The following FRMD4A variants were observed in gnomAD, a reference collection of about 807,000 sequenced individuals.
The protein encoded by FRMD4A is FERM domain containing 4A.
A neutral mutation model predicts 129.1 loss-of-function variants in FRMD4A; 29 were observed. The ratio of observed to expected loss-of-function variants is 0.22; its 90% CI spans 0.17 to 0.31. The LOEUF (loss-of-function observed/expected upper bound fraction) is 0.31. Among genes scored for constraint, FRMD4A ranks in the 10% least tolerant of loss-of-function variants. The pLI is 1.00. For synonymous variants in FRMD4A, 634 were observed against 571.6 expected (o/e 1.11, Z -1.56); for missense variants, 1,272 against 1,375.8 (o/e 0.92, Z 1.19).
chr10:13,959,996 C>T (rs1161011237), intron 2 of FRMD4A, among the ~76,000 whole-genome samples: 1 of 152,208 alleles, frequency 6.6e-6, no homozygotes, highest in East Asian at 1.9e-4. Flanking sequence ...AAATGCTTGC[C>T]TTGGGAAGCA....
At chr10:14,240,376 T>C (rs142340762) in intron 2 of FRMD4A, among the ~76,000 whole-genome samples, 271 of 152,314 alleles carry the variant, frequency 1.8e-3, no homozygotes, top group African/African-American at 6.2e-3. Flanking sequence ...TCTCAGCACA[T>C]GTGTCAGGCT....
chr10:14,098,099 GATTATATATAATTTATATAT>G (rs1047628855), intron 2 of FRMD4A, among the ~76,000 whole-genome samples: 1 of 139,934 alleles, frequency 7.1e-6, no homozygotes, highest in Non-Finnish European at 1.5e-5. Flanking sequence ...ATAAATTATA[GATTATATATAATTTATATAT>G]ATTATATAAA....
intron 2 of FRMD4A, among the ~76,000 whole-genome samples, chr10:14,091,302 T>G (rs1836647745): frequency 6.6e-6 from 1 of 151,920 alleles, no homozygotes; most frequent in Non-Finnish European, 1.5e-5. Flanking sequence ...GGCAAACAAA[T>G]CCAACACACC....
At chr10:13,775,713 A>G (rs1436348817) in intron 6 of FRMD4A, among the ~76,000 whole-genome samples, 1 of 152,182 alleles carries the variant, frequency 6.6e-6, no homozygotes, top group Non-Finnish European at 1.5e-5. Flanking sequence ...TCCAGGCTGG[A>G]GCAGGAGGTT....
At chr10:13,761,768 G>A (rs1002666002) in intron 7 of FRMD4A, 99 bp from the exon 8 acceptor site, 4 of 785,884 alleles carry the variant, frequency 5.1e-6, no homozygotes, top group Admixed American at 4.8e-5. Context: ...TACTGAATGA[G>A]ATGAGTTCAG....
intron 14 of FRMD4A, among the ~76,000 whole-genome samples, chr10:13,695,678 C>A (rs1353387848): frequency 6.6e-6 from 1 of 152,242 alleles, no homozygotes; most frequent in East Asian, 1.9e-4. Flanking sequence ...ACAGCACACA[C>A]ACGGACTGGG....
intron 2 of FRMD4A, among the ~76,000 whole-genome samples, chr10:14,089,869 C>T (rs989940779): frequency 5.9e-5 from 9 of 152,174 alleles, no homozygotes; most frequent in African/African-American, 2.2e-4. Context: ...TATAAACCCA[C>T]GGATTGAACC....
At chr10:13,889,562 T>C (rs1034777543) in intron 2 of FRMD4A, among the ~76,000 whole-genome samples, 33 of 152,174 alleles carry the variant, frequency 2.2e-4, no homozygotes, top group African/African-American at 8.0e-4. Context: ...GGGGACTTGA[T>C]AACAATGTCT....
intron 2 of FRMD4A, among the ~76,000 whole-genome samples, chr10:14,273,150 A>G (rs1262733680): frequency 6.6e-6 from 1 of 152,086 alleles, no homozygotes; most frequent in African/African-American, 2.4e-5. Context: ...CCAGCTACTC[A>G]GGAAGCTAAG....
At chr10:14,141,259 T>C (rs1179186977) in intron 2 of FRMD4A, among the ~76,000 whole-genome samples, 1 of 152,208 alleles carries the variant, frequency 6.6e-6, no homozygotes, top group African/African-American at 2.4e-5. Flanking sequence ...GCACCCTGGA[T>C]GTGCCCACAG....
At chr10:13,965,265 G>A (rs1429313365) in intron 2 of FRMD4A, among the ~76,000 whole-genome samples, 2 of 152,070 alleles carry the variant, frequency 1.3e-5, no homozygotes, top group Non-Finnish European at 2.9e-5. Flanking sequence ...TGAAGGACTA[G>A]AGATCTTATC....
At chr10:14,185,641 C>T (rs148160092) in intron 2 of FRMD4A, among the ~76,000 whole-genome samples, 14 of 152,144 alleles carry the variant, frequency 9.2e-5, no homozygotes, top group East Asian at 1.9e-4. Context: ...GGTCAGAGAG[C>T]TGCAGGGGCG....
chr10:14,069,798 G>A (rs965601329), intron 2 of FRMD4A, among the ~76,000 whole-genome samples: 1 of 152,026 alleles, frequency 6.6e-6, no homozygotes, highest in African/African-American at 2.4e-5. Flanking sequence ...GTTTCAAAAA[G>A]CTTTTTAATA....
At chr10:13,753,864 T>C (rs2091742333) in intron 8 of FRMD4A, among the ~76,000 whole-genome samples, 2 of 152,332 alleles carry the variant, frequency 1.3e-5, no homozygotes, top group South Asian at 2.1e-4. Flanking sequence ...TTTCTGTTGC[T>C]AATTGTTAAG....
intron 9 of FRMD4A, among the ~76,000 whole-genome samples, chr10:13,741,899 C>G (rs1010161525): frequency 6.6e-6 from 1 of 152,232 alleles, no homozygotes; most frequent in African/African-American, 2.4e-5. Flanking sequence ...CCTTGTCACT[C>G]AGGCTGGAGT....
intron 2 of FRMD4A, among the ~76,000 whole-genome samples, chr10:14,043,260 A>G (rs1833857288): frequency 6.6e-6 from 1 of 152,206 alleles, no homozygotes; most frequent in African/African-American, 2.4e-5. Flanking sequence ...TTTTTTTATG[A>G]GAAATTCTAG....
At chr10:14,169,637 G>A (rs962024194) in intron 2 of FRMD4A, among the ~76,000 whole-genome samples, 2 of 152,154 alleles carry the variant, frequency 1.3e-5, no homozygotes, top group Non-Finnish European at 2.9e-5. Context: ...CTTTGTGTAT[G>A]TGGCCCTTTC....
intron 2 of FRMD4A, among the ~76,000 whole-genome samples, chr10:13,863,192 A>G (rs1455323553): frequency 6.6e-6 from 1 of 151,992 alleles, no homozygotes; most frequent in East Asian, 1.9e-4. Flanking sequence ...AATTTATCCA[A>G]CTTTGCTGCT....
chr10:13,967,758 T>C (rs949910580), intron 2 of FRMD4A, among the ~76,000 whole-genome samples: 4 of 152,180 alleles, frequency 2.6e-5, no homozygotes, highest in Non-Finnish European at 5.9e-5. Flanking sequence ...GAATACAGAT[T>C]GTGTAGGCTG....
Sources: allele counts gnomAD v4.1 joint callset (sites outside exome capture counted in the v4.1 genomes callset), GRCh38; gene constraint gnomAD v4.1.1; transcripts MANE v1.5; gene names NCBI Gene and HGNC (gene_info 2026-07-23, HGNC 2026-07-21).